The following IGDCC4 variants were observed in gnomAD, a reference collection of about 807,000 sequenced individuals.
IGDCC4 encodes the protein likely ortholog of mouse neighbor of Punc E11.
In IGDCC4, 72 loss-of-function variants were observed where a neutral mutation model predicts 116.6. The ratio of observed to expected loss-of-function variants is 0.62; its 90% CI spans 0.51 to 0.75. The LOEUF is 0.75. Among genes scored for constraint, IGDCC4 ranks in the 30% least tolerant of loss-of-function variants. The pLI is 0.00. For missense variants in IGDCC4, 1,501 were observed against 1,662.4 expected (o/e 0.90, Z 1.69); for synonymous variants, 709 against 719.9 (o/e 0.98, Z 0.24).
At chr15:65,398,427 G>A (rs547798354) in intron 5 of IGDCC4, among the ~76,000 whole-genome samples, 83 of 151,018 alleles carry the variant, frequency 5.5e-4, no homozygotes, top group Non-Finnish European at 1.0e-3. Flanking sequence ...CCAGCTACTC[G>A]GGAAGCTGAG....
chr15:65,401,308 C>T (rs1204133299), intron 4 of IGDCC4, among the ~76,000 whole-genome samples: 2 of 152,230 alleles, frequency 1.3e-5, no homozygotes, highest in African/African-American at 2.4e-5. Flanking sequence ...AGTTCCAGCA[C>T]TGCCATTAAC....
At position 65,395,974 on chromosome 15, in the gene IGDCC4, C is replaced by A. The variant is rs758619066; in HGVS notation, c.1187G>T (p.Gly396Val). Residue 396 changes from glycine to valine, a missense_variant, in exon 7 of 20, where the codon GGC becomes GTC. Around this residue, in one of 3 missense-constraint regions of IGDCC4, gnomAD observed 898 missense variants for 978.9 expected, o/e 0.92. Transcript: ENST00000352385. ...GGGSLVITQI[G>V]LQDAGYYQCV... ...CTGGTAGTAGCCGGCGTCCTGCAGG[C>A]CGATCTGTGTGATGACCAGGCTGCC... is the stretch of plus-strand genomic sequence containing the variant. 1 of 1,580,550 alleles carries A rather than the reference C, an allele frequency of 6.3e-7. No individual in the cohort carries two copies. The highest frequency in any genetic ancestry group is 1.1e-5 in the South Asian group (1 of 87,804).
chr15:65,397,076 C>G, intron 5 of IGDCC4, 87 bp from the exon 6 acceptor site: 5 of 1,470,250 alleles, frequency 3.4e-6, no homozygotes, highest in Non-Finnish European at 4.6e-6. Flanking sequence ...ACTCTGCACC[C>G]GGATAAAGCA....
At position 65,384,893 on chromosome 15, in the gene IGDCC4, C is replaced by T. The variant is rs936839881; in HGVS notation, c.3342+61G>A. 84 of 1,543,408 alleles carry T rather than the reference C, an allele frequency of 5.4e-5. No homozygotes were observed. The Middle Eastern group carries it at 8.7e-4, about 16-fold the overall frequency. ...GGGGTCTCCAGAGAACTCATTACTT[C>T]CTCTTCACAAGCACAGAGACCCTTT... is the stretch of plus-strand genomic sequence containing the variant. On this transcript the variant is annotated intron_variant, in intron 19 of 19. Transcript: ENST00000352385. This position sits in a 1 kb window ranked among gnomAD's most constrained non-coding sequence, Gnocchi z 4.9.
chr15:65,383,955 C>CACG lies in IGDCC4; in HGVS notation c.*53_*54insCGT. The CACG allele has an allele frequency of 2.8e-6, 4 of 1,453,374 alleles. No homozygotes were observed. In the African/African-American group the frequency reaches 4.2e-5, roughly 15 times the overall value. The allele number at this position is 1,453,374 out of a possible 1,614,324, so 90.0% of individuals were successfully genotyped here. On this transcript the variant is annotated 3_prime_UTR_variant, in exon 20 of 20. Coordinates refer to ENST00000352385, the MANE Select transcript of IGDCC4 (RefSeq NM_020962.3). ...TGTGGACATACACGGCCACAGGTAT[C>CACG]GCATCCTATGTGATCCATACCTGCC...
rs73478544 is a variant in IGDCC4 at position 65,389,566 on chromosome 15, G to C, written c.2409-155C>G. Reference sequence around the variant, plus strand: ...GCCTGGAGGCGACTACCACCACCCAGGGACCTACAGAGAAGTCTGGATGTA... The same window carrying C: ...GCCTGGAGGCGACTACCACCACCCACGGACCTACAGAGAAGTCTGGATGTA... On this transcript the variant is annotated intron_variant, in intron 13 of 19. Coordinates refer to ENST00000352385, the MANE Select transcript of IGDCC4 (RefSeq NM_020962.3). Among the ~76,000 whole-genome samples, 1,154 of 152,232 alleles carry C rather than the reference G, an allele frequency of 7.6e-3. 16 individuals carry two copies. Among genetic ancestry groups the C allele is most frequent in the African/African-American group, 0.026 (1,087 of 41,530 alleles).
chr15:65,420,514 T>C (rs2063180694), intron 1 of IGDCC4, among the ~76,000 whole-genome samples: 1 of 152,162 alleles, frequency 6.6e-6, no homozygotes, highest in Non-Finnish European at 1.5e-5. Flanking sequence ...CAAGGGCTCA[T>C]GGGGACTCTC....
chr15:65,412,511 C>CAAAAAAAAAAAAAAAAAAAA lies in IGDCC4; in HGVS notation c.71-1161_71-1142dup. On this transcript the variant is annotated intron_variant, in intron 1 of 19. Coordinates refer to ENST00000352385, the MANE Select transcript of IGDCC4 (RefSeq NM_020962.3). ...TGGGTGACAGAATGAGATTCCATCT[C>CAAAAAAAAAAAAAAAAAAAA]AAAAAAAAAAAAAAAAAAAAAAAAA... 1.2e-4 allele frequency among the ~76,000 whole-genome samples: 2 copies of CAAAAAAAAAAAAAAAAAAAA among 16,720 alleles called. 1 individual carries two copies. The allele number at this position is 16,720 out of a possible 152,430, so 11.0% of individuals were successfully genotyped here. A position where few individuals can be genotyped will look rare whatever the true frequency, so the allele number is the denominator to read the frequency against.
intron 3 of IGDCC4, 53 bp from the exon 4 acceptor site, chr15:65,402,540 G>A: frequency 6.5e-7 from 1 of 1,545,942 alleles, no homozygotes. Context: ...GCCACAGGGA[G>A]GGTGGCTCAT....
Position 65,396,047 on chromosome 15 carries a change from C to T in IGDCC4, c.1114G>A (p.Gly372Arg). Residue 372 changes from glycine to arginine, a missense_variant, in exon 7 of 20, where the codon GGG (glycine) becomes AGG (arginine). Gly to Arg is a moderately radical substitution (Grantham distance 125, BLOSUM62 -2). Coordinates refer to ENST00000352385, the MANE Select transcript of IGDCC4 (RefSeq NM_020962.3). ...PRPALRWLHN[G>R]APLRPNGRVK... ...CGCCCGTTGGGCCGCAGCGGCGCCCCGTTGTGCAGCCAGCGCAGCGCTGGC... is the reference window on the plus strand; with the variant it reads ...CGCCCGTTGGGCCGCAGCGGCGCCCTGTTGTGCAGCCAGCGCAGCGCTGGC... 1 of 1,443,404 alleles carries T rather than the reference C, an allele frequency of 6.9e-7. No individual in the cohort carries two copies. Among genetic ancestry groups the T allele is most frequent in the Non-Finnish European group, 9.1e-7 (1 of 1,103,348 alleles). 89.4% of individuals were successfully genotyped at this position (1,443,404 alleles called of 1,614,324 possible).
Position 65,383,584 on chromosome 15 carries a change from A to G in IGDCC4, c.*425T>C. On this transcript the variant is annotated 3_prime_UTR_variant, in exon 20 of 20. Coordinates refer to ENST00000352385, the MANE Select transcript of IGDCC4 (RefSeq NM_020962.3). The stretch of plus-strand genomic sequence containing the variant: ...TGGGCTGGGACTGTCTTTGTCAGAC[A>G]GGCATTGGAGACACTCTCAGAGTGT... 1 of 157,360 alleles carries G rather than the reference A, an allele frequency of 6.4e-6. No individual in the cohort carries two copies. Among genetic ancestry groups the G allele is most frequent in the Non-Finnish European group, 1.4e-5 (1 of 71,658 alleles). 9.7% of individuals were successfully genotyped at this position (157,360 alleles called of 1,614,324 possible).
chr15:65,390,848 A>G (rs1437554161), intron 12 of IGDCC4, among the ~76,000 whole-genome samples: 1 of 152,216 alleles, frequency 6.6e-6, no homozygotes, highest in Non-Finnish European at 1.5e-5. Flanking sequence ...CAAGAACCTT[A>G]TTTGTGTTGT....
At position 65,396,118 on chromosome 15, in the gene IGDCC4, C is replaced by A. The variant is rs957450086; in HGVS notation, c.1043G>T (p.Arg348Leu). 1.7e-5 allele frequency: 24 copies of A among 1,453,848 alleles called. No individual in the cohort carries two copies. Among genetic ancestry groups the A allele is most frequent in the East Asian group, 2.8e-5 (1 of 35,246 alleles). 90.1% of individuals were successfully genotyped at this position (1,453,848 alleles called of 1,614,324 possible). A position where few individuals can be genotyped will look rare whatever the true frequency, so the allele number is the denominator to read the frequency against. The change falls in exon 7 of 20, where the codon CGG (arginine) becomes CTG (leucine). Residue 348 changes from arginine (R) to leucine (L), a missense_variant. Physicochemically the swap from Arg to Leu is moderately radical, Grantham distance 102 (BLOSUM62 -2). Transcript: ENST00000352385. ...GCACACGAAGCGCGCTGTGCTCGCC[C>A]GCGTCCGCGACAGCGCCTCGGGCGC... Reference protein sequence around the residue: ...TQAPEALSRTRASTARFVCRA... With the variant: ...TQAPEALSRTLASTARFVCRA...
At chr15:65,397,305 G>A (rs542280829) in intron 5 of IGDCC4, among the ~76,000 whole-genome samples, 20 of 152,156 alleles carry the variant, frequency 1.3e-4, no homozygotes, top group Non-Finnish European at 2.4e-4. Flanking sequence ...CTCTCAAGAA[G>A]GACATGCTCC....
rs764831797 is a variant in IGDCC4 at position 65,386,032 on chromosome 15, G to C, written c.2979C>G (p.Thr993=). Residue 993 remains threonine, a synonymous_variant, in exon 18 of 20, where the codon ACC becomes ACG. Coordinates refer to ENST00000352385, the MANE Select transcript of IGDCC4 (RefSeq NM_020962.3). The part of the protein sequence containing the change: ...HRESLPGLSS[T]ATPGNPALYS... ...ACAGCGCGGGATTCCCGGGGGTGGC[G>C]GTGGAGGACAGGCCTGGGAGGGATT... 1.5e-5 allele frequency: 23 copies of C among 1,543,436 alleles called. No individual in the cohort carries two copies. In the South Asian group the frequency reaches 2.8e-4, roughly 19 times the overall value.
intron 3 of IGDCC4, among the ~76,000 whole-genome samples, chr15:65,405,934 C>T (rs1214208866): frequency 2.6e-5 from 4 of 152,194 alleles, no homozygotes; most frequent in East Asian, 1.9e-4. Context: ...GAAGAAATGA[C>T]GCAGCTGCTC....
In IGDCC4 at chr15:65,388,520, G is replaced by A. The variant is rs1409411725; in HGVS notation, c.2774C>T (p.Ala925Val). The change falls in exon 16 of 20, where the codon GCG becomes GTG. Residue 925 changes from alanine (A) to valine (V), a missense_variant. By Grantham distance (64) the Ala-to-Val change is moderately conservative. This residue lies in a region of IGDCC4 where 235 missense variants were observed against 328.0 expected (regional missense o/e 0.72). Transcript: ENST00000352385. ...SDTRYFFKMGARTEVGPGPFS... is the reference protein window; with the variant it reads ...SDTRYFFKMGVRTEVGPGPFS... ...AGGCCCAGGTCCCACCTCTGTGCGC[G>A]CCCCCATCTTGAAGAAGTACCGAGT... 1.4e-5 allele frequency: 23 copies of A among 1,614,026 alleles called. No homozygotes were observed. Among genetic ancestry groups the A allele is most frequent in the Admixed American group, 3.3e-5 (2 of 60,000 alleles).
At chr15:65,421,699 C>T (rs900923893) in intron 1 of IGDCC4, among the ~76,000 whole-genome samples, 3 of 151,408 alleles carry the variant, frequency 2.0e-5, no homozygotes, top group Non-Finnish European at 3.0e-5. Flanking sequence ...CAAGTCCCTC[C>T]CCGACTCTCC....
chr15:65,397,558 G>A (rs2062939788), intron 5 of IGDCC4, among the ~76,000 whole-genome samples: 1 of 152,066 alleles, frequency 6.6e-6, no homozygotes, highest in Non-Finnish European at 1.5e-5. Flanking sequence ...GGCTGGGCAC[G>A]GTGGCTCATG....
Sources: allele counts gnomAD v4.1 joint callset (sites outside exome capture counted in the v4.1 genomes callset), GRCh38; gene constraint gnomAD v4.1.1; regional missense constraint gnomAD v4.1.1; non-coding constraint Gnocchi (gnomAD v3.1); transcripts MANE v1.5; gene names NCBI Gene and HGNC (gene_info 2026-07-23, HGNC 2026-07-21).